Variants in CNTNAP2 observed in about 807,000 individuals in gnomAD.
CNTNAP2 encodes contactin associated protein 2, also known as contactin-associated protein-like 2.
A neutral mutation model predicts 155.2 loss-of-function variants in CNTNAP2; 98 were observed. That is an observed-to-expected ratio of 0.63 (90% CI 0.54 to 0.75). The LOEUF (loss-of-function observed/expected upper bound fraction) is 0.75. Ranked by LOEUF, CNTNAP2 falls within the 30% of genes least tolerant of loss-of-function variation. The probability of loss-of-function intolerance (pLI) is 0.00; values close to 1 mark genes in which losing one functional copy is unlikely to be tolerated. For synonymous variants in CNTNAP2, 651 were observed against 631.2 expected (o/e 1.03, Z -0.47); for missense variants, 1,727 against 1,688.1 (o/e 1.02, Z -0.40).
At chr7:147,553,526 A>G (rs1269346194) in intron 11 of CNTNAP2, among the ~76,000 whole-genome samples, 1 of 152,196 alleles carries the variant, frequency 6.6e-6, no homozygotes. Flanking sequence ...ATAATCTTTT[A>G]TAACATCTAA....
intron 16 of CNTNAP2, among the ~76,000 whole-genome samples, chr7:148,130,679 T>C (rs996391068): frequency 2.0e-5 from 3 of 152,228 alleles, no homozygotes; most frequent in Non-Finnish European, 4.4e-5. Flanking sequence ...CAGCACCATG[T>C]GCCACAGCCT....
chr7:146,168,455 A>C (rs1798344235), intron 1 of CNTNAP2, among the ~76,000 whole-genome samples: 1 of 151,794 alleles, frequency 6.6e-6, no homozygotes, highest in African/African-American at 2.4e-5. Context: ...AAGGACAGAG[A>C]CTCCCGTTAT....
intron 9 of CNTNAP2, among the ~76,000 whole-genome samples, chr7:147,366,962 G>A (rs935119819): frequency 3.3e-5 from 5 of 151,866 alleles, no homozygotes; most frequent in Non-Finnish European, 7.4e-5. Context: ...CCTAATTGTC[G>A]GCCAAAGAAT....
At chr7:148,226,984 G>A (rs997986868) in intron 19 of CNTNAP2, among the ~76,000 whole-genome samples, 3 of 152,268 alleles carry the variant, frequency 2.0e-5, no homozygotes, top group African/African-American at 7.2e-5. Context: ...TTCCTCTGAG[G>A]AGGCAAGGAT....
intron 1 of CNTNAP2, among the ~76,000 whole-genome samples, chr7:146,182,507 T>C (rs1364894335): frequency 6.6e-6 from 1 of 152,142 alleles, no homozygotes; most frequent in East Asian, 1.9e-4. Context: ...AATGTGTTCT[T>C]CCAAAGCAGC....
At chr7:147,541,056 A>G (rs1799630294) in intron 11 of CNTNAP2, among the ~76,000 whole-genome samples, 1 of 152,234 alleles carries the variant, frequency 6.6e-6, no homozygotes, top group Non-Finnish European at 1.5e-5. Context: ...TTTAGTGCTT[A>G]TAGCAAGGAA....
intron 11 of CNTNAP2, among the ~76,000 whole-genome samples, chr7:147,489,228 A>G (rs1287889668): frequency 6.6e-6 from 1 of 152,144 alleles, no homozygotes; most frequent in Non-Finnish European, 1.5e-5. Flanking sequence ...CGTAAATTAT[A>G]TGTAGGGCTT....
chr7:148,277,794 G>GA (rs1491545995), intron 21 of CNTNAP2, among the ~76,000 whole-genome samples: 1 of 133,080 alleles, frequency 7.5e-6, no homozygotes, highest in African/African-American at 2.9e-5. Context: ...AAAGAAAAAA[G>GA]AAAAAAAGAA....
intron 13 of CNTNAP2, among the ~76,000 whole-genome samples, chr7:147,775,777 G>T (rs916391951): frequency 7.2e-5 from 11 of 152,036 alleles, no homozygotes; most frequent in African/African-American, 2.7e-4. Flanking sequence ...ACATGTGCAT[G>T]TTATTATATC....
At chr7:148,004,819 AG>A (rs1275635029) in intron 15 of CNTNAP2, among the ~76,000 whole-genome samples, 1 of 152,198 alleles carries the variant, frequency 6.6e-6, no homozygotes, top group African/African-American at 2.4e-5. Context: ...TGTTTCAGAC[AG>A]GAAGAAAGGT....
chr7:148,307,008 T>C (rs945487765), intron 21 of CNTNAP2, among the ~76,000 whole-genome samples: 1 of 152,144 alleles, frequency 6.6e-6, no homozygotes, highest in African/African-American at 2.4e-5. Context: ...GATTTTTGTC[T>C]TGGGCTGATT....
intron 21 of CNTNAP2, among the ~76,000 whole-genome samples, chr7:148,293,492 C>T (rs1184164686): frequency 3.9e-5 from 6 of 152,182 alleles, no homozygotes; most frequent in African/African-American, 1.4e-4. Flanking sequence ...AGGAATTGGT[C>T]TGTAGCCAGT....
chr7:146,131,129 C>T (rs1365886612), intron 1 of CNTNAP2, among the ~76,000 whole-genome samples: 2 of 152,034 alleles, frequency 1.3e-5, no homozygotes, highest in African/African-American at 4.8e-5. Context: ...AACTGTAACC[C>T]AACATTTACA....
At chr7:147,554,109 G>A (rs1308311132) in intron 11 of CNTNAP2, among the ~76,000 whole-genome samples, 1 of 152,178 alleles carries the variant, frequency 6.6e-6, no homozygotes, top group East Asian at 1.9e-4. Context: ...TTAAATTGAG[G>A]AAGCGTGTTT....
intron 13 of CNTNAP2, among the ~76,000 whole-genome samples, chr7:147,649,143 T>C (rs929015683): frequency 1.3e-5 from 2 of 152,220 alleles, no homozygotes; most frequent in African/African-American, 4.8e-5. Context: ...AAAAGGGTAC[T>C]GCTAGTGCCT....
At chr7:147,871,980 A>C (rs1799335152) in intron 13 of CNTNAP2, among the ~76,000 whole-genome samples, 1 of 152,082 alleles carries the variant, frequency 6.6e-6, no homozygotes, top group Non-Finnish European at 1.5e-5. Flanking sequence ...ACTTTTATTC[A>C]CATGAGTGAA....
At chr7:146,872,571 G>T (rs1053834797) in intron 3 of CNTNAP2, among the ~76,000 whole-genome samples, 1 of 152,110 alleles carries the variant, frequency 6.6e-6, no homozygotes, top group African/African-American at 2.4e-5. Flanking sequence ...TAATAATGAA[G>T]TTTTAATTAG....
At chr7:147,601,188 G>A (rs978091907) in intron 12 of CNTNAP2, among the ~76,000 whole-genome samples, 1 of 152,180 alleles carries the variant, frequency 6.6e-6, no homozygotes, top group Non-Finnish European at 1.5e-5. Flanking sequence ...GCAAATTCCA[G>A]ACATCAGTAT....
intron 3 of CNTNAP2, among the ~76,000 whole-genome samples, chr7:147,000,463 G>A (rs1798399108): frequency 6.6e-6 from 1 of 152,018 alleles, no homozygotes; most frequent in Non-Finnish European, 1.5e-5. Context: ...GTCATGTGCT[G>A]ATGTCTGCAT....
Sources: gnomAD v4.1 joint callset for allele counts (sites outside exome capture counted in the v4.1 genomes callset) on GRCh38, gnomAD v4.1.1 for gene constraint, MANE v1.5 for transcripts, NCBI Gene and HGNC (gene_info 2026-07-23, HGNC 2026-07-21) for gene names.